The following CENPA variants were observed in gnomAD, a reference collection of about 807,000 sequenced individuals.
CENPA encodes the protein histone H3-like centromeric protein A.
CENPA carries 7 observed loss-of-function variants against 17.2 expected under a neutral mutation model. The observed-to-expected ratio is 0.41, with a 90% CI of 0.23 to 0.76. The LOEUF is 0.76. Ranked by LOEUF, CENPA falls within the 30% of genes least tolerant of loss-of-function variation. The pLI, the probability that CENPA is intolerant of heterozygous loss-of-function variation, is 0.34. For missense variants in CENPA, 149 were observed against 193.1 expected (o/e 0.77, Z 1.35); for synonymous variants, 82 against 77.4 (o/e 1.06, Z -0.31).
rs771949366 is a variant in CENPA, at chr2:26,793,952, C to A, written c.*188C>A. ...TTTTGAGAAGGAGAAGACTGCATGA[C>A]TTTCCTCTGTAACAGAGGTAATATA... On this transcript the variant is annotated 3_prime_UTR_variant, in exon 5 of 5. Coordinates refer to ENST00000335756, the MANE Select transcript of CENPA (RefSeq NM_001809.4). 7.2e-5 allele frequency: 11 copies of A among 152,156 alleles called. No individual in the cohort carries two copies. The highest frequency in any genetic ancestry group is 1.5e-4 in the Non-Finnish European group (10 of 68,054). 9.4% of individuals were successfully genotyped at this position (152,156 alleles called of 1,614,324 possible).
chr2:26,788,792 C>T (rs1180329556), intron 1 of CENPA, among the ~76,000 whole-genome samples: 1 of 152,236 alleles, frequency 6.6e-6, no homozygotes, highest in Non-Finnish European at 1.5e-5. Flanking sequence ...TCTCCTGCCT[C>T]AGCCTCCCGA....
intron 1 of CENPA, among the ~76,000 whole-genome samples, chr2:26,791,845 G>A (rs1359314060): frequency 6.6e-6 from 1 of 152,052 alleles, no homozygotes; most frequent in Non-Finnish European, 1.5e-5. Flanking sequence ...AACTGCAGAG[G>A]ATCATTCACT....
chr2:26,786,191 C>A lies in CENPA; in HGVS notation c.-6C>A. ...GACCGGGCGCCAGCACCCTCTGCGG[C>A]GTGTCATGGGCCCGCGCCGCCGGAG... On this transcript the variant is annotated 5_prime_UTR_variant, in exon 1 of 5. Transcript: ENST00000335756. 6.9e-7 allele frequency: 1 copy of A among 1,444,944 alleles called. No individual in the cohort carries two copies. Among genetic ancestry groups the A allele is most frequent in the Non-Finnish European group, 9.0e-7 (1 of 1,105,640 alleles). The allele number at this position is 1,444,944 out of a possible 1,614,324, so 89.5% of individuals were successfully genotyped here. A position where few individuals can be genotyped will look rare whatever the true frequency, so the allele number is the denominator to read the frequency against.
chr2:26,786,909 A>C (rs1664517890), intron 1 of CENPA, among the ~76,000 whole-genome samples: 1 of 152,048 alleles, frequency 6.6e-6, no homozygotes, highest in South Asian at 2.1e-4. Context: ...AAAGGGGCCG[A>C]AGTCTGTGTC....
rs549906943 is a variant in CENPA at position 26,792,188 on chromosome 2, A to G, written c.158A>G (p.Lys53Arg). Reference protein sequence around the residue: ...RRQGWLKEIRKLQKSTHLLIR... With the variant: ...RRQGWLKEIRRLQKSTHLLIR... ...CAAGGTTGGCTAAAGGAGATCCGAA[A>G]GCTTCAGAAGAGCACACACCTCTTG... Residue 53 changes from lysine to arginine, a missense_variant, in exon 2 of 5, where the codon AAG (lysine) becomes AGG (arginine). By Grantham distance (26) the Lys-to-Arg change is conservative. This residue lies in a region of CENPA where 95 missense variants were observed against 87.5 expected (regional missense o/e 1.09). Coordinates refer to ENST00000335756, the MANE Select transcript of CENPA (RefSeq NM_001809.4). 1.2e-6 allele frequency: 2 copies of G among 1,614,042 alleles called. No individual in the cohort carries two copies. The highest frequency in any genetic ancestry group is 1.3e-5 in the African/African-American group (1 of 75,048).
At chr2:26,793,484 C>A (rs1664658317) in intron 4 of CENPA, among the ~76,000 whole-genome samples, 158 bp downstream of exon 4, 1 of 152,164 alleles carries the variant, frequency 6.6e-6, no homozygotes, top group Admixed American at 6.6e-5. Flanking sequence ...CCCTTTTGTG[C>A]AATGTTAGAT....
chr2:26,792,662 GA>G (rs1185161208), intron 2 of CENPA, 93 bp from the exon 3 acceptor site: 1 of 1,085,846 alleles, frequency 9.2e-7, no homozygotes, highest in Non-Finnish European at 1.4e-6. Flanking sequence ...TGGAAAGGAA[GA>G]TTCACTGGAA....
rs750560406 is a variant in CENPA, at chr2:26,793,967, GA to G, written c.*204del. 1.3e-5 allele frequency: 2 copies of G among 152,132 alleles called. No homozygotes were observed. Among genetic ancestry groups the G allele is most frequent in the Non-Finnish European group, 2.9e-5 (2 of 68,042 alleles). The allele number at this position is 152,132 out of a possible 1,614,324, so 9.4% of individuals were successfully genotyped here. A position where few individuals can be genotyped will look rare whatever the true frequency, so the allele number is the denominator to read the frequency against. On this transcript the variant is annotated 3_prime_UTR_variant, in exon 5 of 5. Transcript: ENST00000335756. ...GACTGCATGACTTTCCTCTGTAACA[GA>G]GGTAATATATGAGACAATCAACACC...
In CENPA at chr2:26,793,337, C is replaced by T; in HGVS notation, c.*47+11C>T. On this transcript the variant is annotated intron_variant, in intron 4 of 4. Coordinates refer to ENST00000335756, the MANE Select transcript of CENPA (RefSeq NM_001809.4). ...CTGCTCAGCCAGGGGGTAAGCTCATCCTCTTTCACAGGACTGGGGCTGGAA... is the reference window on the plus strand; with the variant it reads ...CTGCTCAGCCAGGGGGTAAGCTCATTCTCTTTCACAGGACTGGGGCTGGAA... 6.3e-7 allele frequency: 1 copy of T among 1,596,278 alleles called. No individual in the cohort carries two copies. Among genetic ancestry groups the T allele is most frequent in the South Asian group, 1.1e-5 (1 of 88,978 alleles).
chr2:26,791,931 A>G lies in CENPA; in HGVS notation c.101-200A>G, dbSNP rs138973443. Among the ~76,000 whole-genome samples, 11 of 152,332 alleles carry G rather than the reference A, an allele frequency of 7.2e-5. No homozygotes were observed. The East Asian group carries it at 1.9e-3, about 27-fold the overall frequency. On this transcript the variant is annotated intron_variant, in intron 1 of 4. Transcript: ENST00000335756. ...CTGAAGATAGCAGCAAAATTACTAT[A>G]TATCAGGTTGGTGCAAAAGTATTGT...
Position 26,786,101 on chromosome 2 carries a change from T to C in CENPA, c.-96T>C, listed in dbSNP as rs2148064680. On this transcript the variant is annotated 5_prime_UTR_variant, in exon 1 of 5. Coordinates refer to ENST00000335756, the MANE Select transcript of CENPA (RefSeq NM_001809.4). ...CTCATGTGAGGCTCGCGGCACAGCGTTCTCTGGGCTCCCCAGAAGCCAGCC... is the reference window on the plus strand; with the variant it reads ...CTCATGTGAGGCTCGCGGCACAGCGCTCTCTGGGCTCCCCAGAAGCCAGCC... 7.7e-7 allele frequency: 1 copy of C among 1,299,054 alleles called. No homozygotes were observed. The highest frequency in any genetic ancestry group is 9.8e-7 in the Non-Finnish European group (1 of 1,023,884). The allele number at this position is 1,299,054 out of a possible 1,614,324, so 80.5% of individuals were successfully genotyped here.
intron 1 of CENPA, among the ~76,000 whole-genome samples, chr2:26,788,707 C>T (rs936610101): frequency 6.6e-6 from 1 of 152,166 alleles, no homozygotes. Context: ...CGGAGTTTCC[C>T]TCTTGTTGCC....
chr2:26,787,586 G>A (rs568750254), intron 1 of CENPA, among the ~76,000 whole-genome samples: 1 of 151,594 alleles, frequency 6.6e-6, no homozygotes, highest in East Asian at 1.9e-4. Flanking sequence ...TGCCACGAGG[G>A]TTCACTGCAG....
Position 26,792,741 on chromosome 2 carries a change from C to G in CENPA, c.211-15C>G. ...CTCCCTACTCCTACTCCTCCCCTTC[C>G]CCACTCCTTCACAGGCAAGAGAAAT... is the stretch of plus-strand genomic sequence containing the variant. On this transcript the variant is annotated splice_polypyrimidine_tract_variant and intron_variant, in intron 2 of 4. Transcript: ENST00000335756. 6.3e-7 allele frequency: 1 copy of G among 1,595,774 alleles called. No homozygotes were observed. Among genetic ancestry groups the G allele is most frequent in the Non-Finnish European group, 8.6e-7 (1 of 1,163,158 alleles).
chr2:26,790,990 A>G (rs1310465583), intron 1 of CENPA, among the ~76,000 whole-genome samples: 4 of 152,262 alleles, frequency 2.6e-5, no homozygotes, highest in African/African-American at 9.6e-5. Context: ...TTATCCGTCA[A>G]CATGTTATTT....
chr2:26,790,367 C>T (rs78588823), intron 1 of CENPA, among the ~76,000 whole-genome samples: 3,662 of 152,106 alleles, frequency 0.024, 153 homozygotes, highest in African/African-American at 0.083. Context: ...ATTCTTGTTG[C>T]CCAGGCTAGA....
At chr2:26,789,635 C>T (rs1396737488) in intron 1 of CENPA, among the ~76,000 whole-genome samples, 1 of 152,032 alleles carries the variant, frequency 6.6e-6, no homozygotes, top group Non-Finnish European at 1.5e-5. Context: ...CCCTCCAGCC[C>T]CTTCATCCTC....
At chr2:26,786,808 T>G (rs1664515836) in intron 1 of CENPA, among the ~76,000 whole-genome samples, 1 of 151,720 alleles carries the variant, frequency 6.6e-6, no homozygotes, top group Non-Finnish European at 1.5e-5. Context: ...CTTTCAGGGG[T>G]TTTTTTTCCC....
chr2:26,792,049 T>G, intron 1 of CENPA, 82 bp from the exon 2 acceptor site: 1 of 1,125,902 alleles, frequency 8.9e-7, no homozygotes, highest in Non-Finnish European at 1.3e-6. Context: ...AGATATAGTC[T>G]AGCAATTTGA....
Sources: allele counts gnomAD v4.1 joint callset (sites outside exome capture counted in the v4.1 genomes callset), GRCh38; gene constraint gnomAD v4.1.1; regional missense constraint gnomAD v4.1.1; transcripts MANE v1.5; gene names NCBI Gene and HGNC (gene_info 2026-07-23, HGNC 2026-07-21).